The following ATF2 variants were observed in gnomAD, a reference collection of about 807,000 sequenced individuals.
ATF2 encodes activating transcription factor 2.
A neutral mutation model predicts 60.6 loss-of-function variants in ATF2; 24 were observed. The ratio of observed to expected loss-of-function variants is 0.40; its 90% CI spans 0.29 to 0.56. ATF2 has a LOEUF of 0.56. Among genes scored for constraint, ATF2 ranks in the 20% least tolerant of loss-of-function variants. The probability of loss-of-function intolerance (pLI) is 0.54; values close to 1 mark genes in which losing one functional copy is unlikely to be tolerated. For missense variants in ATF2, 433 were observed against 607.7 expected (o/e 0.71, Z 3.02); for synonymous variants, 206 against 215.4 (o/e 0.96, Z 0.38).
Position 175,073,677 on chromosome 2 carries a change from T to TA in ATF2, c.*931_*932insT, listed in dbSNP as rs1280511286. On this transcript the variant is annotated 3_prime_UTR_variant, in exon 14 of 14. Coordinates refer to ENST00000264110, the MANE Select transcript of ATF2 (RefSeq NM_001880.4). Reference sequence around the variant, plus strand: ...ACAATGGGGGTAAACAGTCTTAAATTTTCTAAGTAGTAATTTTAGGCTTTT... The same window carrying TA: ...ACAATGGGGGTAAACAGTCTTAAATTATTCTAAGTAGTAATTTTAGGCTTTT... 1 of 152,058 alleles carries TA rather than the reference T, an allele frequency of 6.6e-6. No homozygotes were observed. The highest frequency in any genetic ancestry group is 1.5e-5 in the Non-Finnish European group (1 of 68,014). The allele number at this position is 152,058 out of a possible 1,614,324, so 9.4% of individuals were successfully genotyped here.
intron 1 of ATF2, among the ~76,000 whole-genome samples, chr2:175,157,708 T>C (rs1699771044): frequency 1.3e-5 from 2 of 152,154 alleles, no homozygotes; most frequent in African/African-American, 4.8e-5. Flanking sequence ...ACATCTGTTA[T>C]CATGGGCTGG....
At chr2:175,160,255 C>T (rs1305900601) in intron 1 of ATF2, among the ~76,000 whole-genome samples, 1 of 152,160 alleles carries the variant, frequency 6.6e-6, no homozygotes. Flanking sequence ...TATAGTAGCA[C>T]ATGCCTGTAG....
chr2:175,143,276 C>A (rs1228915425), intron 2 of ATF2, among the ~76,000 whole-genome samples: 1 of 151,768 alleles, frequency 6.6e-6, no homozygotes, highest in African/African-American at 2.4e-5. Flanking sequence ...AAACATGACT[C>A]TATGACAATG....
At chr2:175,148,560 A>T (rs1426087953) in intron 2 of ATF2, among the ~76,000 whole-genome samples, 6 of 152,138 alleles carry the variant, frequency 3.9e-5, no homozygotes, top group African/African-American at 1.4e-4. Flanking sequence ...CATGATGGGA[A>T]GTGGAGGTCC....
intron 3 of ATF2, among the ~76,000 whole-genome samples, chr2:175,133,536 T>G (rs1697900899): frequency 6.6e-6 from 1 of 152,212 alleles, no homozygotes; most frequent in African/African-American, 2.4e-5. Flanking sequence ...ATGGTAGCTA[T>G]CATGGAAAAA....
intron 5 of ATF2, among the ~76,000 whole-genome samples, chr2:175,120,702 AGTTTT>A (rs1023900088): frequency 5.9e-5 from 9 of 151,754 alleles, no homozygotes; most frequent in Admixed American, 2.0e-4. Context: ...AAATTTATAT[AGTTTT>A]GTTTTATCAT....
intron 12 of ATF2, among the ~76,000 whole-genome samples, chr2:175,083,031 T>C (rs1311021030): frequency 1.3e-5 from 2 of 152,008 alleles, no homozygotes; most frequent in African/African-American, 2.4e-5. Flanking sequence ...TCCATGCTCA[T>C]GGGTAGGAAG....
intron 1 of ATF2, among the ~76,000 whole-genome samples, chr2:175,157,768 G>C (rs1335501610): frequency 6.6e-6 from 1 of 152,108 alleles, no homozygotes; most frequent in Non-Finnish European, 1.5e-5. Context: ...GCCAAGGTGG[G>C]TGGATCACGA....
At chr2:175,132,978 T>A (rs1377962138) in intron 3 of ATF2, among the ~76,000 whole-genome samples, 1 of 151,656 alleles carries the variant, frequency 6.6e-6, no homozygotes, top group Non-Finnish European at 1.5e-5. Context: ...CCCAGCTACT[T>A]GAGAGAGGCT....
At chr2:175,142,275 T>G (rs1698601092) in intron 2 of ATF2, among the ~76,000 whole-genome samples, 1 of 150,430 alleles carries the variant, frequency 6.6e-6, no homozygotes, top group Non-Finnish European at 1.5e-5. Context: ...AACCTCCGCC[T>G]GCCAGGTTCA....
At chr2:175,112,662 A>G (rs1164842135) in intron 9 of ATF2, among the ~76,000 whole-genome samples, 1 of 152,208 alleles carries the variant, frequency 6.6e-6, no homozygotes, top group Non-Finnish European at 1.5e-5. Flanking sequence ...TCGGCTAACT[A>G]CAGTCTCAAC....
chr2:175,139,824 C>T (rs1698384040), intron 2 of ATF2, among the ~76,000 whole-genome samples: 1 of 152,098 alleles, frequency 6.6e-6, no homozygotes, highest in African/African-American at 2.4e-5. Flanking sequence ...TAAAACATGA[C>T]TTTCCCACTT....
At chr2:175,131,075 G>A (rs1697695958) in intron 3 of ATF2, among the ~76,000 whole-genome samples, 1 of 152,208 alleles carries the variant, frequency 6.6e-6, no homozygotes, top group Non-Finnish European at 1.5e-5. Flanking sequence ...AATGATCACT[G>A]AGAATACAAA....
chr2:175,099,864 ACCAGAAAACACAGGGAAAACTC>A (rs1695192049), intron 10 of ATF2, among the ~76,000 whole-genome samples: 2 of 152,344 alleles, frequency 1.3e-5, no homozygotes. Flanking sequence ...CCTTGGTGCT[ACCAGAAAACACAGGGAAAACTC>A]AAGACAGAGA....
intron 12 of ATF2, among the ~76,000 whole-genome samples, chr2:175,088,930 C>T (rs1021380624): frequency 6.6e-6 from 1 of 152,004 alleles, no homozygotes; most frequent in African/African-American, 2.4e-5. Context: ...GCCTGTAATC[C>T]CAGCACTTTG....
chr2:175,090,531 T>A (rs1365997066), intron 12 of ATF2, among the ~76,000 whole-genome samples: 1 of 152,090 alleles, frequency 6.6e-6, no homozygotes, highest in Non-Finnish European at 1.5e-5. Context: ...GTATTGTAAG[T>A]AAAATCCTTG....
intron 6 of ATF2, 37 bp downstream of exon 6, chr2:175,118,214 A>G: frequency 1.3e-6 from 2 of 1,591,180 alleles, no homozygotes; most frequent in Admixed American, 1.8e-5. Context: ...CTTTTCTGTC[A>G]GAAGTACTCT....
chr2:175,098,484 C>T (rs1485931486), intron 10 of ATF2, among the ~76,000 whole-genome samples: 1 of 152,060 alleles, frequency 6.6e-6, no homozygotes, highest in Non-Finnish European at 1.5e-5. Context: ...TCCTAAGATT[C>T]TTATAGAGGT....
chr2:175,091,324 A>G (rs1317926362), intron 12 of ATF2, among the ~76,000 whole-genome samples: 1 of 152,178 alleles, frequency 6.6e-6, no homozygotes, highest in African/African-American at 2.4e-5. Flanking sequence ...TTTATGTCAT[A>G]CAACTATAAA....
Sources: gnomAD v4.1 joint callset for allele counts (sites outside exome capture counted in the v4.1 genomes callset) on GRCh38, gnomAD v4.1.1 for gene constraint, MANE v1.5 for transcripts, NCBI Gene and HGNC (gene_info 2026-07-23, HGNC 2026-07-21) for gene names.